ALK: variants seen among roughly 807,000 people sequenced by gnomAD.
ALK encodes the protein ALK receptor tyrosine kinase.
ALK carries 74 observed loss-of-function variants against 163.1 expected under a neutral mutation model. The ratio of observed to expected loss-of-function variants is 0.45; its 90% CI spans 0.38 to 0.55. The LOEUF (loss-of-function observed/expected upper bound fraction) is 0.55, where lower values mean the gene tolerates loss of function less well. Among genes scored for constraint, ALK ranks in the 20% least tolerant of loss-of-function variants. The pLI, the probability that ALK is intolerant of heterozygous loss-of-function variation, is 0.00. For synonymous variants in ALK, 960 were observed against 843.2 expected (o/e 1.14, Z -2.40); for missense variants, 2,063 against 2,105.3 (o/e 0.98, Z 0.39).
intron 1 of ALK, among the ~76,000 whole-genome samples, chr2:29,802,997 A>ATT: frequency 6.6e-6 from 1 of 152,246 alleles, no homozygotes; most frequent in African/African-American, 2.4e-5. Context: ...AAAAAATAAC[A>ATT]GAACTTTTAA....
At chr2:29,396,840 T>TTTTTTG (rs1230312320) in intron 4 of ALK, among the ~76,000 whole-genome samples, 1 of 128,268 alleles carries the variant, frequency 7.8e-6, no homozygotes, top group African/African-American at 3.1e-5. Context: ...ACTATGGTTT[T>TTTTTTG]TTTTTTTTTT....
intron 1 of ALK, among the ~76,000 whole-genome samples, chr2:29,732,518 T>TG (rs1679773346): frequency 6.6e-6 from 1 of 152,272 alleles, no homozygotes; most frequent in Admixed American, 6.5e-5. Flanking sequence ...AACTCACCCT[T>TG]GGGGTGAAAA....
At chr2:29,581,387 CAAATAAAATA>C (rs59760217) in intron 3 of ALK, among the ~76,000 whole-genome samples, 12 of 151,736 alleles carry the variant, frequency 7.9e-5, no homozygotes, top group Non-Finnish European at 1.8e-4. Context: ...GGATCCATCT[CAAATAAAATA>C]AAATAAAATA....
At chr2:29,460,789 C>T (rs1420975536) in intron 4 of ALK, among the ~76,000 whole-genome samples, 1 of 152,074 alleles carries the variant, frequency 6.6e-6, no homozygotes, top group African/African-American at 2.4e-5. Context: ...CCTACAATGG[C>T]CTCTAAGTGT....
chr2:29,215,570 A>T (rs545522805), intron 23 of ALK, among the ~76,000 whole-genome samples: 27 of 152,324 alleles, frequency 1.8e-4, no homozygotes, highest in African/African-American at 6.5e-4. Context: ...CCCAGGTCAC[A>T]CAGCTAATAA....
chr2:29,619,862 G>C (rs2339557), intron 3 of ALK, among the ~76,000 whole-genome samples: 1 of 151,984 alleles, frequency 6.6e-6, no homozygotes, highest in African/African-American at 2.4e-5. Context: ...GGTGCCAGGA[G>C]GCAGCCCCTG....
chr2:29,369,278 C>T (rs561138421), intron 5 of ALK, among the ~76,000 whole-genome samples: 57 of 149,548 alleles, frequency 3.8e-4, no homozygotes, highest in African/African-American at 1.3e-3. Context: ...TGCCTCCTTG[C>T]TGGTTGTGTG....
intron 1 of ALK, among the ~76,000 whole-genome samples, chr2:29,807,830 C>T (rs1356266927): frequency 3.9e-5 from 6 of 152,204 alleles, no homozygotes; most frequent in Non-Finnish European, 8.8e-5. Context: ...CTTTCCATAA[C>T]ACAGGCATGG....
chr2:29,312,734 T>C lies in ALK; in HGVS notation c.1647+5570A>G, dbSNP rs1019994650. Among the ~76,000 whole-genome samples the C allele has an allele frequency of 2.6e-5, 4 of 152,216 alleles. No homozygotes were observed. The East Asian group carries it at 7.7e-4, about 29-fold the overall frequency. On this transcript the variant is annotated intron_variant, in intron 8 of 28. Transcript: ENST00000389048. ...TTGGGGTCCTGACCGTGGTCTCCAA[T>C]GCAGGAAGAGGCGTGTGCAGAGAAC...
At chr2:29,196,600 T>C (rs1409060477) in intron 28 of ALK, among the ~76,000 whole-genome samples, 170 bp downstream of exon 28, 1 of 152,226 alleles carries the variant, frequency 6.6e-6, no homozygotes, top group South Asian at 2.1e-4. Context: ...TTTTACAAAA[T>C]GGGCAAATGG....
chr2:29,542,333 C>T lies in ALK; in HGVS notation c.953-10217G>A, dbSNP rs575776822. On this transcript the variant is annotated intron_variant, in intron 3 of 28. Coordinates refer to ENST00000389048, the MANE Select transcript of ALK (RefSeq NM_004304.5). ...TACTCCTTGAAAAAATTACTCCCTT[C>T]GTCTTGAAGACACTGATTTCCTCTT... is the stretch of plus-strand genomic sequence containing the variant. 1.0e-3 allele frequency among the ~76,000 whole-genome samples: 156 copies of T among 152,206 alleles called. 1 individual carries two copies. The highest frequency in any genetic ancestry group is 3.4e-3 in the Middle Eastern group (1 of 294).
intron 11 of ALK, among the ~76,000 whole-genome samples, chr2:29,252,834 T>TC: frequency 7.2e-6 from 1 of 139,782 alleles, no homozygotes; most frequent in East Asian, 2.0e-4. Flanking sequence ...ATTTTTTATT[T>TC]ATTTTTTTTT....
At chr2:29,362,149 G>A (rs371072079) in intron 5 of ALK, among the ~76,000 whole-genome samples, 1 of 152,166 alleles carries the variant, frequency 6.6e-6, no homozygotes, top group East Asian at 1.9e-4. Flanking sequence ...TGGGCAGGAA[G>A]AATCGAAGAG....
chr2:29,823,700 C>A (rs1665114827), intron 1 of ALK, among the ~76,000 whole-genome samples: 2 of 152,106 alleles, frequency 1.3e-5, no homozygotes, highest in African/African-American at 4.8e-5. Context: ...GATGAAATTT[C>A]TAAGCAGCAA....
In ALK at chr2:29,415,536, T is replaced by C. The variant is rs148393646; in HGVS notation, c.1155-31677A>G. 5.4e-3 allele frequency among the ~76,000 whole-genome samples: 821 copies of C among 152,248 alleles called. 6 individuals carry two copies. Among genetic ancestry groups the C allele is most frequent in the African/African-American group, 0.014 (564 of 41,552 alleles). ...AAGGAGTTACCTTAGGACCACACAG[T>C]GCTGCTTCAATCCATTAGGTTTGGA... is the stretch of plus-strand genomic sequence containing the variant. On this transcript the variant is annotated intron_variant, in intron 4 of 28. Transcript: ENST00000389048.
chr2:29,637,570 G>A (rs569170998), intron 3 of ALK, among the ~76,000 whole-genome samples: 50 of 152,052 alleles, frequency 3.3e-4, no homozygotes, highest in African/African-American at 1.2e-3. Context: ...TTAGCCGGGC[G>A]TGGTGGTATA....
chr2:29,856,987 C>CGT lies in ALK; in HGVS notation c.667+63004_667+63005dup, dbSNP rs559594687. 1.8e-4 allele frequency among the ~76,000 whole-genome samples: 27 copies of CGT among 152,152 alleles called. No homozygotes were observed. In the East Asian group the frequency reaches 4.2e-3, roughly 24 times the overall value. On this transcript the variant is annotated intron_variant, in intron 1 of 28. Transcript: ENST00000389048. ...GTTGTCTGTGTGTAAGTGTGTGTGT[C>CGT]GTGTACAGGACCACGGGGGTGGGAT...
At chr2:29,667,750 C>T (rs1677559204) in intron 3 of ALK, among the ~76,000 whole-genome samples, 1 of 151,924 alleles carries the variant, frequency 6.6e-6, no homozygotes, top group East Asian at 1.9e-4. Flanking sequence ...CTGTAGTTCT[C>T]TTTTCTTGTG....
chr2:29,880,664 G>A (rs1405989415), intron 1 of ALK, among the ~76,000 whole-genome samples: 1 of 152,212 alleles, frequency 6.6e-6, no homozygotes, highest in Non-Finnish European at 1.5e-5. Flanking sequence ...GGAGATCTGG[G>A]TTTTAATTCT....
Sources: allele counts gnomAD v4.1 joint callset (sites outside exome capture counted in the v4.1 genomes callset), GRCh38; gene constraint gnomAD v4.1.1; transcripts MANE v1.5; gene names NCBI Gene and HGNC (gene_info 2026-07-23, HGNC 2026-07-21).